The following FHIT variants were observed in gnomAD, a reference collection of about 807,000 sequenced individuals.
FHIT encodes bis(5'-adenosyl)-triphosphatase.
Under a neutral mutation model 17.9 loss-of-function variants are expected in FHIT, and 19 were observed. The observed-to-expected ratio is 1.06, with a 90% CI of 0.74 to 1.56. The LOEUF is 1.56. FHIT is among the 40% of genes most tolerant of loss of function. The pLI is 0.00. For synonymous variants in FHIT, 81 were observed against 69.7 expected (o/e 1.16, Z -0.81); for missense variants, 248 against 189.2 (o/e 1.31, Z -1.82).
intron 5 of FHIT, among the ~76,000 whole-genome samples, chr3:60,312,472 G>T (rs1708991849): frequency 6.6e-6 from 1 of 152,142 alleles, no homozygotes; most frequent in Admixed American, 6.6e-5. Flanking sequence ...GAATTCTGTG[G>T]TTAAAATCCT....
intron 5 of FHIT, among the ~76,000 whole-genome samples, chr3:60,227,044 T>G (rs886455933): frequency 2.0e-5 from 3 of 152,170 alleles, no homozygotes; most frequent in Non-Finnish European, 4.4e-5. Context: ...CTCAGAGGTA[T>G]GCAGCAAATC....
At chr3:60,141,574 G>A (rs1256546622) in intron 5 of FHIT, among the ~76,000 whole-genome samples, 1 of 152,116 alleles carries the variant, frequency 6.6e-6, no homozygotes, top group Non-Finnish European at 1.5e-5. Flanking sequence ...CCTAAAATCT[G>A]TCAGTGTAGT....
chr3:60,499,179 A>C (rs1200697314), intron 5 of FHIT, among the ~76,000 whole-genome samples: 1 of 152,176 alleles, frequency 6.6e-6, no homozygotes, highest in Non-Finnish European at 1.5e-5. Context: ...GGGGATGGTG[A>C]ATATAGCAAG....
intron 3 of FHIT, among the ~76,000 whole-genome samples, chr3:60,872,633 A>G (rs2107076038): frequency 6.6e-6 from 1 of 152,276 alleles, no homozygotes; most frequent in South Asian, 2.1e-4. Context: ...CATTTTCCTC[A>G]GTCATTAGCC....
At chr3:60,234,818 A>C (rs763900028) in intron 5 of FHIT, among the ~76,000 whole-genome samples, 1 of 152,194 alleles carries the variant, frequency 6.6e-6, no homozygotes, top group Non-Finnish European at 1.5e-5. Flanking sequence ...TATGTGTCTC[A>C]GGAGAAACAC....
chr3:59,961,322 TTTAA>T (rs1285599031), intron 7 of FHIT, among the ~76,000 whole-genome samples: 1 of 152,100 alleles, frequency 6.6e-6, no homozygotes, highest in Admixed American at 6.6e-5. Context: ...AAGTAATGAG[TTTAA>T]TTACTTAATT....
chr3:61,189,465 C>T (rs1205614392), intron 2 of FHIT, among the ~76,000 whole-genome samples: 3 of 152,102 alleles, frequency 2.0e-5, no homozygotes, highest in African/African-American at 4.8e-5. Flanking sequence ...CATTCCATGC[C>T]CATGGGTAGG....
chr3:60,192,072 G>A lies in FHIT; in HGVS notation c.104-177920C>T, dbSNP rs190381343. On this transcript the variant is annotated intron_variant, in intron 5 of 9. Coordinates refer to ENST00000492590, the MANE Select transcript of FHIT (RefSeq NM_002012.4). ...TCGAGACCAGCCTAGCAAACATGGC[G>A]AAACCCTGTCTCTACCAAAAATATA... Among the ~76,000 whole-genome samples the A allele has an allele frequency of 4.2e-4, 64 of 151,936 alleles. No homozygotes were observed. The East Asian group carries it at 0.01, about 24-fold the overall frequency.
At chr3:60,709,634 T>C (rs1187692115) in intron 4 of FHIT, among the ~76,000 whole-genome samples, 2 of 152,222 alleles carry the variant, frequency 1.3e-5, no homozygotes, top group Admixed American at 6.5e-5. Context: ...TATGCAGATC[T>C]TCCAAATGTT....
rs116540994 is a variant in FHIT, at chr3:60,602,353, C to T, written c.-17-65374G>A. On this transcript the variant is annotated intron_variant, in intron 4 of 9. Transcript: ENST00000492590. ...CACTTTCTACAGCAACAGCCAATCT[C>T]GGAAAACCATGGAGCAATGTCTAAA... Among the ~76,000 whole-genome samples the T allele has an allele frequency of 3.1e-3, 475 of 152,152 alleles. 4 individuals carry two copies. The highest frequency in any genetic ancestry group is 0.011 in the African/African-American group (452 of 41,510).
At chr3:60,791,752 T>C (rs1182305784) in intron 4 of FHIT, among the ~76,000 whole-genome samples, 1 of 152,198 alleles carries the variant, frequency 6.6e-6, no homozygotes, top group Non-Finnish European at 1.5e-5. Context: ...CTCTGAATAA[T>C]GTGAGGGCCA....
chr3:60,158,003 T>C (rs1209137506), intron 5 of FHIT, among the ~76,000 whole-genome samples: 2 of 152,194 alleles, frequency 1.3e-5, no homozygotes, highest in East Asian at 1.9e-4. Context: ...TTGTTCTTCC[T>C]TAGAAGCATG....
At chr3:59,773,505 A>G (rs1702165350) in intron 8 of FHIT, among the ~76,000 whole-genome samples, 1 of 152,172 alleles carries the variant, frequency 6.6e-6, no homozygotes, top group African/African-American at 2.4e-5. Flanking sequence ...AATGTTTTTA[A>G]AATCCTGCTT....
chr3:60,944,771 A>C (rs1708568520), intron 3 of FHIT, among the ~76,000 whole-genome samples: 1 of 152,214 alleles, frequency 6.6e-6, no homozygotes, highest in African/African-American at 2.4e-5. Flanking sequence ...AGTGGTGAGA[A>C]AATTGAGTCA....
At chr3:59,988,425 ACATTTT>A (rs1184664015) in intron 7 of FHIT, among the ~76,000 whole-genome samples, 1 of 152,102 alleles carries the variant, frequency 6.6e-6, no homozygotes, top group African/African-American at 2.4e-5. Context: ...AAAATTGTAA[ACATTTT>A]CTTTTTAAAT....
At chr3:60,356,306 G>C (rs1338123359) in intron 5 of FHIT, among the ~76,000 whole-genome samples, 1 of 152,140 alleles carries the variant, frequency 6.6e-6, no homozygotes, top group African/African-American at 2.4e-5. Flanking sequence ...GAGTTCAACT[G>C]TGGTTTTTTT....
intron 5 of FHIT, among the ~76,000 whole-genome samples, chr3:60,054,191 T>C (rs1348094721): frequency 6.6e-6 from 1 of 152,188 alleles, no homozygotes; most frequent in East Asian, 1.9e-4. Flanking sequence ...TTCAAATTTC[T>C]TCAGAGAACT....
intron 5 of FHIT, among the ~76,000 whole-genome samples, chr3:60,522,676 C>A (rs1298129498): frequency 1.3e-5 from 2 of 152,304 alleles, no homozygotes; most frequent in Admixed American, 1.3e-4. Flanking sequence ...TTTGAGAATG[C>A]TGTCAATTAC....
At position 60,536,995 on chromosome 3, in the gene FHIT, A is replaced by G. The variant is rs943383437; in HGVS notation, c.-17-16T>C. The G allele has an allele frequency of 4.4e-6, 7 of 1,583,976 alleles. No individual in the cohort carries two copies. The highest frequency in any genetic ancestry group is 2.2e-5 in the East Asian group (1 of 44,602). On this transcript the variant is annotated splice_polypyrimidine_tract_variant and intron_variant, in intron 4 of 9. Coordinates refer to ENST00000492590, the MANE Select transcript of FHIT (RefSeq NM_002012.4). ...CAGTTGAAGTCTAAAAGAAAAGACA[A>G]TGGATAGTTATAAAATTCAATTAAG...
Sources: allele counts gnomAD v4.1 joint callset (sites outside exome capture counted in the v4.1 genomes callset), GRCh38; gene constraint gnomAD v4.1.1; transcripts MANE v1.5; gene names NCBI Gene and HGNC (gene_info 2026-07-23, HGNC 2026-07-21).